The following CHST8 variants were observed in gnomAD, a reference collection of about 807,000 sequenced individuals.
CHST8 encodes GALNAC-4-ST1.
CHST8 carries 10 observed loss-of-function variants against 15.0 expected under a neutral mutation model. That is an observed-to-expected ratio of 0.67 (90% CI 0.41 to 1.13). The LOEUF is 1.13. Among genes scored for constraint, CHST8 ranks in the 50% most tolerant of loss-of-function variants. CHST8 has a pLI of 0.00. For synonymous variants in CHST8, 259 were observed against 256.6 expected, an observed-to-expected ratio of 1.01 and a Z score of -0.09; for missense variants, 634 against 608.2, an observed-to-expected ratio of 1.04 and a Z score of -0.45.
chr19:33,709,739 C>T (rs1290745640), intron 3 of CHST8, among the ~76,000 whole-genome samples: 1 of 152,078 alleles, frequency 6.6e-6, no homozygotes, highest in East Asian at 1.9e-4. Flanking sequence ...TCCTCCTACC[C>T]TATTTCTCTG....
chr19:33,732,602 G>C (rs1974015523), intron 3 of CHST8, among the ~76,000 whole-genome samples: 1 of 152,004 alleles, frequency 6.6e-6, no homozygotes, highest in African/African-American at 2.4e-5. Flanking sequence ...TATTAGAAAG[G>C]ATACCCATAG....
chr19:33,757,506 GAAAGAAAGAAAGAAAGA>G (rs1974605657), intron 3 of CHST8, among the ~76,000 whole-genome samples: 1 of 47,042 alleles, frequency 2.1e-5, no homozygotes, highest in African/African-American at 9.2e-5. Flanking sequence ...AAGAAAGAAA[GAAAGAAAGAAAGAAAGA>G]GAAAGAAAGA....
intron 3 of CHST8, among the ~76,000 whole-genome samples, chr19:33,701,769 C>T (rs772567950): frequency 4.4e-4 from 67 of 152,304 alleles, no homozygotes; most frequent in South Asian, 6.2e-4. Flanking sequence ...GTGCCTGGCA[C>T]GTGGTACTCA....
chr19:33,760,824 C>T (rs1974709103), intron 3 of CHST8, among the ~76,000 whole-genome samples: 1 of 152,226 alleles, frequency 6.6e-6, no homozygotes, highest in Admixed American at 6.5e-5. Context: ...CAAAGTCCTC[C>T]ATGGCTGCCA....
At chr19:33,711,366 A>G (rs1266352515) in intron 3 of CHST8, among the ~76,000 whole-genome samples, 2 of 152,216 alleles carry the variant, frequency 1.3e-5, no homozygotes, top group Non-Finnish European at 2.9e-5. Flanking sequence ...TGCTCTGTAA[A>G]TAGAGCCCTC....
intron 1 of CHST8, among the ~76,000 whole-genome samples, chr19:33,631,164 G>A (rs1972116679): frequency 6.6e-6 from 1 of 152,222 alleles, no homozygotes; most frequent in Admixed American, 6.5e-5. Flanking sequence ...CACACAGGTT[G>A]AGCTGGGGCA....
chr19:33,682,520 A>G (rs1972908519), intron 2 of CHST8, among the ~76,000 whole-genome samples: 1 of 152,098 alleles, frequency 6.6e-6, no homozygotes, highest in South Asian at 2.1e-4. Flanking sequence ...CCTTTTCATC[A>G]TCCCAAACAG....
chr19:33,667,008 C>T (rs1383878204), intron 1 of CHST8, among the ~76,000 whole-genome samples: 1 of 152,162 alleles, frequency 6.6e-6, no homozygotes, highest in African/African-American at 2.4e-5. Context: ...AAAGGGACCC[C>T]AGGGATGCCA....
chr19:33,757,457 A>G (rs567225985), intron 3 of CHST8, among the ~76,000 whole-genome samples: 13 of 41,306 alleles, frequency 3.1e-4, no homozygotes, highest in African/African-American at 9.0e-4. Flanking sequence ...AAAGAAAGAA[A>G]GAAAGAAAGA....
chr19:33,630,337 TG>T (rs1972106206), intron 1 of CHST8, among the ~76,000 whole-genome samples: 1 of 152,230 alleles, frequency 6.6e-6, no homozygotes, highest in South Asian at 2.1e-4. Flanking sequence ...CGATTGCTTG[TG>T]GGCAGGCAGA....
chr19:33,718,577 G>T (rs1205492958), intron 3 of CHST8, among the ~76,000 whole-genome samples: 1 of 152,196 alleles, frequency 6.6e-6, no homozygotes, highest in African/African-American at 2.4e-5. Flanking sequence ...CCAAAATCAT[G>T]TTGCAATCTG....
Position 33,650,518 on chromosome 19 carries a change from C to CTTTTTTTTTTTT in CHST8, c.-163-17231_-163-17220dup, listed in dbSNP as rs869057036. 7.5e-4 allele frequency among the ~76,000 whole-genome samples: 27 copies of CTTTTTTTTTTTT among 36,076 alleles called. 3 individuals carry two copies. Among genetic ancestry groups the CTTTTTTTTTTTT allele is most frequent in the Admixed American group, 1.2e-3 (3 of 2,498 alleles). The allele number at this position is 36,076 out of a possible 152,430, so 23.7% of individuals were successfully genotyped here. A position where few individuals can be genotyped will look rare whatever the true frequency, so the allele number is the denominator to read the frequency against. ...TTCTTTTTCTTTTTCTTTTTCTTTTCTTTTTTTTTTTTTTTTTTTTTTTTT... is the reference window on the plus strand; with the variant it reads ...TTCTTTTTCTTTTTCTTTTTCTTTTCTTTTTTTTTTTTTTTTTTTTTTTTTTTTTTTTTTTTT... On this transcript the variant is annotated intron_variant, in intron 1 of 4. Transcript: ENST00000650847.
chr19:33,754,221 C>A (rs1974500649), intron 3 of CHST8, among the ~76,000 whole-genome samples: 1 of 148,946 alleles, frequency 6.7e-6, no homozygotes, highest in Non-Finnish European at 1.5e-5. Flanking sequence ...TGGTACAAAC[C>A]CCCTCCTCAC....
intron 1 of CHST8, among the ~76,000 whole-genome samples, chr19:33,627,090 TC>T: frequency 1.1e-5 from 1 of 91,866 alleles, no homozygotes; most frequent in Admixed American, 1.1e-4. Context: ...ATGCCTGTCC[TC>T]TTTTTTTGGG....
intron 3 of CHST8, among the ~76,000 whole-genome samples, chr19:33,732,008 C>T (rs1272744965): frequency 3.9e-5 from 6 of 152,196 alleles, no homozygotes; most frequent in Non-Finnish European, 7.3e-5. Context: ...ACACACTGCT[C>T]ACACTGGGAC....
At chr19:33,702,982 T>G (rs778190480) in intron 3 of CHST8, among the ~76,000 whole-genome samples, 4 of 152,150 alleles carry the variant, frequency 2.6e-5, no homozygotes, top group Non-Finnish European at 5.9e-5. Context: ...TTTTCCCTCC[T>G]CCTGTGCCTA....
At chr19:33,668,572 A>T (rs1972693645) in intron 2 of CHST8, among the ~76,000 whole-genome samples, 1 of 152,194 alleles carries the variant, frequency 6.6e-6, no homozygotes, top group Non-Finnish European at 1.5e-5. Flanking sequence ...GAGGAAGAAC[A>T]GATCAGGTGA....
At chr19:33,752,998 C>T (rs1481414580) in intron 3 of CHST8, among the ~76,000 whole-genome samples, 17 of 152,144 alleles carry the variant, frequency 1.1e-4, no homozygotes, top group East Asian at 1.9e-4. Flanking sequence ...TTGCTTTCAG[C>T]GTTCGGTGGA....
At chr19:33,633,341 T>G (rs531584277) in intron 1 of CHST8, among the ~76,000 whole-genome samples, 5 of 152,360 alleles carry the variant, frequency 3.3e-5, no homozygotes, top group Admixed American at 3.3e-4. Context: ...TTGGCTTTTA[T>G]GGACAGTATT....
Sources: allele counts gnomAD v4.1 joint callset (sites outside exome capture counted in the v4.1 genomes callset), GRCh38; gene constraint gnomAD v4.1.1; transcripts MANE v1.5; gene names NCBI Gene and HGNC (gene_info 2026-07-23, HGNC 2026-07-21).